Variants in KDM4C observed in about 807,000 individuals in gnomAD.
KDM4C encodes lysine demethylase 4C.
In KDM4C, 81 loss-of-function variants were observed where a neutral mutation model predicts 129.3. That is an observed-to-expected ratio of 0.63 (90% CI 0.52 to 0.75). The LOEUF (loss-of-function observed/expected upper bound fraction) is 0.75. KDM4C is among the 30% of genes least tolerant of loss of function. The pLI is 0.00. For missense variants in KDM4C, 1,457 were observed against 1,304.0 expected (o/e 1.12, Z -1.81); for synonymous variants, 573 against 456.1 (o/e 1.26, Z -3.26).
At chr9:6,749,587 G>T (rs1385591913) in intron 1 of KDM4C, among the ~76,000 whole-genome samples, 1 of 151,972 alleles carries the variant, frequency 6.6e-6, no homozygotes, top group Non-Finnish European at 1.5e-5. Flanking sequence ...AGGATTGCTT[G>T]AGCCCAGTAA....
chr9:6,799,273 C>T (rs575669541), intron 2 of KDM4C, among the ~76,000 whole-genome samples: 4 of 152,200 alleles, frequency 2.6e-5, no homozygotes, highest in African/African-American at 7.2e-5. Flanking sequence ...AGCCTGGGCA[C>T]CATTGAGCAC....
intron 17 of KDM4C, among the ~76,000 whole-genome samples, chr9:7,074,762 T>C (rs1833691051): frequency 6.6e-6 from 1 of 152,208 alleles, no homozygotes; most frequent in African/African-American, 2.4e-5. Context: ...TGCTGAGCCT[T>C]TTTGGCTGCT....
At chr9:7,076,808 C>T in intron 17 of KDM4C, 1 of 1,024,132 alleles carries the variant, frequency 9.8e-7, no homozygotes. Flanking sequence ...TCCAACGTGT[C>T]CTACTACAGC....
intron 10 of KDM4C, among the ~76,000 whole-genome samples, 172 bp from the exon 11 acceptor site, chr9:6,986,172 G>C (rs1255876580): frequency 6.6e-6 from 1 of 152,168 alleles, no homozygotes; most frequent in Non-Finnish European, 1.5e-5. Context: ...CAGTATCAGA[G>C]CTAGTATGTG....
chr9:6,822,814 A>T (rs1588507460), intron 4 of KDM4C, among the ~76,000 whole-genome samples: 1 of 152,272 alleles, frequency 6.6e-6, no homozygotes, highest in Non-Finnish European at 1.5e-5. Flanking sequence ...TGTAGAAAAG[A>T]CAGAAGGTAT....
intron 1 of KDM4C, among the ~76,000 whole-genome samples, chr9:6,735,253 TG>T (rs1223081235): frequency 1.3e-5 from 2 of 152,164 alleles, no homozygotes; most frequent in Non-Finnish European, 2.9e-5. Context: ...TCTTTTGTTT[TG>T]GTGTTGTCTG....
chr9:7,026,357 T>A (rs998394830), intron 15 of KDM4C, among the ~76,000 whole-genome samples: 14 of 152,160 alleles, frequency 9.2e-5, no homozygotes, highest in Admixed American at 3.3e-4. Context: ...TATACTATTT[T>A]AGGGTAAATG....
intron 15 of KDM4C, among the ~76,000 whole-genome samples, chr9:7,016,421 C>T (rs1823697238): frequency 7.8e-6 from 1 of 128,060 alleles, no homozygotes; most frequent in African/African-American, 2.9e-5. Flanking sequence ...GCCACTGTTC[C>T]TGGCTTTTTT....
chr9:6,986,543 A>G lies in KDM4C; in HGVS notation c.1554A>G (p.Ala518=), dbSNP rs894773923. ...CACCTGAGTCATGCTCATCAGTGGCAGAGAGTAATGGTGTGTTAACAGAGG... is the reference window on the plus strand; with the variant it reads ...CACCTGAGTCATGCTCATCAGTGGCGGAGAGTAATGGTGTGTTAACAGAGG... The part of the protein sequence containing the change: ...PKSPESCSSV[A]ESNGVLTEGE... Residue 518 remains alanine (A), a synonymous_variant, in exon 11 of 22, where the codon GCA becomes GCG. Transcript: ENST00000381309. The G allele has an allele frequency of 6.8e-6, 11 of 1,614,038 alleles. No homozygotes were observed. In the Admixed American group the frequency reaches 1.8e-4, roughly 27 times the overall value.
chr9:6,796,952 G>C (rs137952415), intron 2 of KDM4C, among the ~76,000 whole-genome samples: 1 of 152,022 alleles, frequency 6.6e-6, no homozygotes, highest in African/African-American at 2.4e-5. Context: ...GCTAGTCCTG[G>C]GGAACCGAGC....
At chr9:6,852,228 G>C (rs2130188342) in intron 5 of KDM4C, among the ~76,000 whole-genome samples, 1 of 152,220 alleles carries the variant, frequency 6.6e-6, no homozygotes, top group South Asian at 2.1e-4. Context: ...TAATATATTT[G>C]AGGTGAGCTT....
At chr9:6,876,060 G>C (rs1332848396) in intron 5 of KDM4C, among the ~76,000 whole-genome samples, 2 of 152,050 alleles carry the variant, frequency 1.3e-5, no homozygotes, top group East Asian at 3.9e-4. Flanking sequence ...TATTCCGATG[G>C]GTTGCAAAAA....
chr9:6,852,703 T>C (rs575998900), intron 5 of KDM4C, among the ~76,000 whole-genome samples: 1 of 152,294 alleles, frequency 6.6e-6, no homozygotes, highest in South Asian at 2.1e-4. Flanking sequence ...TCTCTGACCT[T>C]ATAGGTTGGC....
At chr9:7,067,117 A>G (rs529685747) in intron 17 of KDM4C, among the ~76,000 whole-genome samples, 13 of 152,350 alleles carry the variant, frequency 8.5e-5, no homozygotes, top group African/African-American at 2.2e-4. Context: ...CACTGAATAT[A>G]TGTGCATTTT....
chr9:6,789,129 A>C (rs1826035547), intron 1 of KDM4C, among the ~76,000 whole-genome samples: 1 of 144,284 alleles, frequency 6.9e-6, no homozygotes, highest in African/African-American at 2.6e-5. Flanking sequence ...GGCTCACTGC[A>C]CCCTCTGCCC....
At chr9:7,071,843 A>G (rs142298977) in intron 17 of KDM4C, among the ~76,000 whole-genome samples, 1 of 152,200 alleles carries the variant, frequency 6.6e-6, no homozygotes, top group African/African-American at 2.4e-5. Flanking sequence ...ACCACCCTGA[A>G]CACACCTGAT....
intron 2 of KDM4C, among the ~76,000 whole-genome samples, chr9:6,799,469 G>T (rs1011545403): frequency 1.3e-5 from 2 of 152,086 alleles, no homozygotes; most frequent in African/African-American, 4.8e-5. Flanking sequence ...GCAGGCTGAG[G>T]CAGGAGAATC....
intron 7 of KDM4C, among the ~76,000 whole-genome samples, 169 bp downstream of exon 7, chr9:6,888,232 T>C (rs1194160890): frequency 1.3e-5 from 2 of 152,248 alleles, no homozygotes; most frequent in Non-Finnish European, 2.9e-5. Context: ...TAGAAATTAA[T>C]TTTATTTCAA....
At chr9:6,990,069 T>TCAG (rs1818450890) in intron 11 of KDM4C, among the ~76,000 whole-genome samples, 1 of 152,170 alleles carries the variant, frequency 6.6e-6, no homozygotes, top group South Asian at 2.1e-4. Flanking sequence ...TGAGCCACTG[T>TCAG]GCCTGGCCTA....
Sources: gnomAD v4.1 joint callset for allele counts (sites outside exome capture counted in the v4.1 genomes callset) on GRCh38, gnomAD v4.1.1 for gene constraint, MANE v1.5 for transcripts, NCBI Gene and HGNC (gene_info 2026-07-23, HGNC 2026-07-21) for gene names.